Variants in OGDH observed in about 807,000 individuals in gnomAD.
The protein encoded by OGDH is oxoglutarate dehydrogenase, also known as 2-oxoglutarate dehydrogenase complex component E1.
In OGDH, 38 loss-of-function variants were observed where a neutral mutation model predicts 116.6. The ratio of observed to expected loss-of-function variants is 0.33; its 90% CI spans 0.25 to 0.43. The LOEUF is 0.43. OGDH is among the 20% of genes least tolerant of loss of function. The pLI is 1.00. For synonymous variants in OGDH, 488 were observed against 533.3 expected (o/e 0.92, Z 1.17); for missense variants, 825 against 1,357.2 (o/e 0.61, Z 6.16).
At chr7:44,672,637 G>GT (rs1175741464) in intron 5 of OGDH, among the ~76,000 whole-genome samples, 2,901 of 135,538 alleles carry the variant, frequency 0.021, 256 homozygotes, top group African/African-American at 0.078. Flanking sequence ...ATTTCTTTTT[G>GT]TTTTTTGTTT....
intron 1 of OGDH, among the ~76,000 whole-genome samples, chr7:44,620,275 C>T (rs902595873): frequency 2.0e-5 from 3 of 152,238 alleles, no homozygotes; most frequent in Non-Finnish European, 2.9e-5. Context: ...CCTGCCTCAG[C>T]CTCCTAAAGC....
chr7:44,654,389 G>C (rs1428141106), intron 4 of OGDH, among the ~76,000 whole-genome samples: 2 of 152,220 alleles, frequency 1.3e-5, no homozygotes, highest in Non-Finnish European at 2.9e-5. Flanking sequence ...ACAACCTGCT[G>C]TCATTAACAG....
intron 4 of OGDH, among the ~76,000 whole-genome samples, chr7:44,662,999 T>G (rs1046088614): frequency 1.3e-5 from 2 of 152,246 alleles, no homozygotes; most frequent in Non-Finnish European, 2.9e-5. Flanking sequence ...TGGGAAGTTT[T>G]TAGCTAAGTA....
chr7:44,630,830 G>T (rs1018228827), intron 2 of OGDH, among the ~76,000 whole-genome samples: 2 of 152,218 alleles, frequency 1.3e-5, no homozygotes, highest in African/African-American at 2.4e-5. Context: ...TGGACTGAGG[G>T]ATCAGGGGAG....
In OGDH at chr7:44,608,498, A is replaced by AG. The variant is rs1483516288; in HGVS notation, c.-28+1846dup. Among the ~76,000 whole-genome samples the AG allele has an allele frequency of 2.7e-4, 41 of 152,210 alleles. 1 individual carries two copies. The highest frequency in any genetic ancestry group is 1.5e-5 in the Non-Finnish European group (1 of 67,990). On this transcript the variant is annotated intron_variant, in intron 1 of 22. Transcript: ENST00000222673. Reference sequence around the variant, plus strand: ...TGGATCCCCTGAGGTTGGGAGTTTGAGACCAGCCTGGCCAACATGGTGAAA... The same window carrying AG: ...TGGATCCCCTGAGGTTGGGAGTTTGAGGACCAGCCTGGCCAACATGGTGAAA...
intron 2 of OGDH, among the ~76,000 whole-genome samples, chr7:44,639,434 C>T (rs1785830179): frequency 6.6e-6 from 1 of 152,150 alleles, no homozygotes; most frequent in Non-Finnish European, 1.5e-5. Flanking sequence ...GCAGGTCTGG[C>T]TTCCTGCTGC....
chr7:44,666,471 AC>A, intron 4 of OGDH: 1 of 227,100 alleles, frequency 4.4e-6, no homozygotes, highest in Non-Finnish European at 8.5e-6. Flanking sequence ...TAATTGGTGT[AC>A]TTAACTAACT....
Position 44,695,353 on chromosome 7 carries a change from C to A in OGDH, c.1669-672C>A, listed in dbSNP as rs533615342. Among the ~76,000 whole-genome samples the A allele has an allele frequency of 2.0e-5, 3 of 152,244 alleles. No individual in the cohort carries two copies. The East Asian group carries it at 5.8e-4, about 30-fold the overall frequency. On this transcript the variant is annotated intron_variant, in intron 12 of 22. Transcript: ENST00000222673. Reference sequence around the variant, plus strand: ...TCAAGTGATCTGCCTGTCTTGGCCTCCCAAAGTGCTGGGATTATAGGCATG... The same window carrying A: ...TCAAGTGATCTGCCTGTCTTGGCCTACCAAAGTGCTGGGATTATAGGCATG...
At chr7:44,610,897 C>T (rs971602528) in intron 1 of OGDH, among the ~76,000 whole-genome samples, 31 of 152,150 alleles carry the variant, frequency 2.0e-4, no homozygotes, top group African/African-American at 6.3e-4. Context: ...CGTGAGCCAC[C>T]GCGCTCAGCC....
At chr7:44,616,232 TA>T (rs1784761581) in intron 1 of OGDH, among the ~76,000 whole-genome samples, 1 of 152,184 alleles carries the variant, frequency 6.6e-6, no homozygotes, top group African/African-American at 2.4e-5. Context: ...AAAGATTTAA[TA>T]ATTTACACTC....
At chr7:44,607,463 TGTGC>T (rs1417728631) in intron 1 of OGDH, among the ~76,000 whole-genome samples, 1 of 152,194 alleles carries the variant, frequency 6.6e-6, no homozygotes, top group Non-Finnish European at 1.5e-5. Context: ...AGGGTTTCCT[TGTGC>T]CTTGTCTTGC....
At chr7:44,671,851 C>T (rs1585332488) in intron 5 of OGDH, among the ~76,000 whole-genome samples, 2 of 151,074 alleles carry the variant, frequency 1.3e-5, no homozygotes, top group Admixed American at 6.6e-5. Flanking sequence ...AGGCGGATCA[C>T]GAGGTCAGGA....
At chr7:44,648,774 G>C (rs982168135) in intron 4 of OGDH, among the ~76,000 whole-genome samples, 1 of 152,126 alleles carries the variant, frequency 6.6e-6, no homozygotes, top group East Asian at 1.9e-4. Flanking sequence ...GTTTGTAATT[G>C]TTTTTTTAAT....
Position 44,673,879 on chromosome 7 carries a change from G to T in OGDH, c.726G>T (p.Gly242=), listed in dbSNP as rs1365590184. 2 of 1,614,082 alleles carry T rather than the reference G, an allele frequency of 1.2e-6. No homozygotes were observed. Residue 242 remains glycine (G), a synonymous_variant, in exon 6 of 23, where the codon GGG becomes GGT. Transcript: ENST00000222673. The stretch of plus-strand genomic sequence containing the variant: ...TCCGGCAGAAGTTTGAGACCCCTGG[G>T]ATCATGCAGTTCACAAATGAGGAGA... ...QWIRQKFETP[G]IMQFTNEEKR...
intron 2 of OGDH, among the ~76,000 whole-genome samples, chr7:44,643,112 A>G (rs1260487489): frequency 1.5e-5 from 2 of 134,772 alleles, no homozygotes; most frequent in Non-Finnish European, 3.0e-5. Context: ...AAAAAAAAAA[A>G]AAAAAGTCAT....
chr7:44,616,774 T>G (rs1784795414), intron 1 of OGDH, among the ~76,000 whole-genome samples: 1 of 143,658 alleles, frequency 7.0e-6, no homozygotes, highest in Non-Finnish European at 1.5e-5. Flanking sequence ...TACACGTATA[T>G]GTGTATATGC....
chr7:44,618,747 T>G (rs745951303), intron 1 of OGDH, among the ~76,000 whole-genome samples: 8 of 152,176 alleles, frequency 5.3e-5, no homozygotes, highest in Non-Finnish European at 8.8e-5. Context: ...ACTAAAAATA[T>G]ACTCTAATAT....
chr7:44,616,906 G>A (rs1255579988), intron 1 of OGDH, among the ~76,000 whole-genome samples: 18 of 123,624 alleles, frequency 1.5e-4, no homozygotes, highest in Non-Finnish European at 2.6e-4. Flanking sequence ...AGCCGAGATC[G>A]CGCCACTGCA....
At position 44,675,948 on chromosome 7, in the gene OGDH, A is replaced by G. The variant is rs773533879; in HGVS notation, c.1027-22A>G. 33 of 1,608,268 alleles carry G rather than the reference A, an allele frequency of 2.1e-5. 1 individual carries two copies. The highest frequency in any genetic ancestry group is 4.5e-5 in the East Asian group (2 of 44,698). On this transcript the variant is annotated intron_variant, in intron 8 of 22. Coordinates refer to ENST00000222673, the MANE Select transcript of OGDH (RefSeq NM_002541.4). Reference sequence around the variant, plus strand: ...TGAGCATCTCCTTGGCCAGGGTGCAAATTCACTGTTTACCCCATCAGGGCT... The same window carrying G: ...TGAGCATCTCCTTGGCCAGGGTGCAGATTCACTGTTTACCCCATCAGGGCT...
Sources: gnomAD v4.1 joint callset for allele counts (sites outside exome capture counted in the v4.1 genomes callset) on GRCh38, gnomAD v4.1.1 for gene constraint, MANE v1.5 for transcripts, NCBI Gene and HGNC (gene_info 2026-07-23, HGNC 2026-07-21) for gene names.